Variants in MYNN observed in about 807,000 individuals in gnomAD.
MYNN encodes the protein zinc finger and BTB domain-containing protein 31.
In MYNN, 22 loss-of-function variants were observed where a neutral mutation model predicts 57.2. That is an observed-to-expected ratio of 0.38 (90% CI 0.27 to 0.55). The LOEUF (loss-of-function observed/expected upper bound fraction) is 0.55, where lower values mean the gene tolerates loss of function less well. Among genes scored for constraint, MYNN ranks in the 20% least tolerant of loss-of-function variants. The probability of loss-of-function intolerance (pLI) is 0.71; values close to 1 mark genes in which losing one functional copy is unlikely to be tolerated. For missense variants in MYNN, 566 were observed against 723.1 expected, an observed-to-expected ratio of 0.78 and a Z score of 2.49; for synonymous variants, 241 against 257.1, an observed-to-expected ratio of 0.94 and a Z score of 0.60.
intron 1 of MYNN, among the ~76,000 whole-genome samples, chr3:169,773,873 GT>G (rs1422908328): frequency 1.3e-5 from 2 of 152,210 alleles, no homozygotes; most frequent in African/African-American, 4.8e-5. Context: ...CTTGAGAGCA[GT>G]TTTTAAAAAC....
At chr3:169,785,003 A>G (rs1372507640) in intron 7 of MYNN, among the ~76,000 whole-genome samples, 1 of 135,236 alleles carries the variant, frequency 7.4e-6, no homozygotes, top group African/African-American at 2.7e-5. Context: ...TAAGCAAGCT[A>G]TGTGTCACTG....
rs562567012 is a variant in MYNN at position 169,781,545 on chromosome 3, G to A, written c.1220+796G>A. Among the ~76,000 whole-genome samples the A allele has an allele frequency of 5.3e-5, 8 of 152,258 alleles. No individual in the cohort carries two copies. In the East Asian group the frequency reaches 7.7e-4, roughly 15 times the overall value. On this transcript the variant is annotated intron_variant, in intron 4 of 7. Transcript: ENST00000349841. ...ATGTGGACAGAAGAAATCAAAAGACGGCCCTGAGGCACTCTAACTTTATGA... is the reference window on the plus strand; with the variant it reads ...ATGTGGACAGAAGAAATCAAAAGACAGCCCTGAGGCACTCTAACTTTATGA...
In MYNN at chr3:169,778,751, G is replaced by A. The variant is rs1054727791; in HGVS notation, c.267-17G>A. On this transcript the variant is annotated splice_polypyrimidine_tract_variant and intron_variant, in intron 2 of 7. Coordinates refer to ENST00000349841, the MANE Select transcript of MYNN (RefSeq NM_018657.5). Reference sequence around the variant, plus strand: ...TCTTTGATCAGAATATTGTCATGTAGCCTTGTTTCCTTGCAGTTGGAATGT... The same window carrying A: ...TCTTTGATCAGAATATTGTCATGTAACCTTGTTTCCTTGCAGTTGGAATGT... The A allele has an allele frequency of 1.9e-6, 3 of 1,568,450 alleles. No individual in the cohort carries two copies. Among genetic ancestry groups the A allele is most frequent in the African/African-American group, 2.7e-5 (2 of 72,920 alleles).
intron 7 of MYNN, among the ~76,000 whole-genome samples, chr3:169,785,278 T>A (rs937177491): frequency 2.6e-5 from 4 of 152,014 alleles, no homozygotes; most frequent in African/African-American, 9.7e-5. Context: ...TAGGCCCTTC[T>A]GGTGTGTAAA....
chr3:169,783,717 G>C, intron 6 of MYNN, 157 bp downstream of exon 6: 1 of 574,526 alleles, frequency 1.7e-6, no homozygotes, highest in East Asian at 3.5e-5. Flanking sequence ...TGCTTATTTT[G>C]TTTTTTTTTT....
intron 2 of MYNN, 30 bp from the exon 3 acceptor site, chr3:169,778,738 A>G: frequency 1.3e-6 from 2 of 1,545,278 alleles, no homozygotes; most frequent in African/African-American, 1.4e-5. Flanking sequence ...TTTGATCAGA[A>G]TATTGTCATG....
In MYNN at chr3:169,779,508, G is replaced by C. The variant is rs761891493; in HGVS notation, c.1007G>C (p.Gly336Ala). Reference sequence around the variant, plus strand: ...AAACCTTACGTCTGCCACTTATGTGGAAAGGCATTTACCCAATGTAACCAG... The same window carrying C: ...AAACCTTACGTCTGCCACTTATGTGCAAAGGCATTTACCCAATGTAACCAG... The part of the protein sequence containing the change: ...GVKPYVCHLC[G>A]KAFTQCNQLK... The change falls in exon 3 of 8, where the codon GGA becomes GCA. Residue 336 changes from glycine to alanine, a missense_variant. Coordinates refer to ENST00000349841, the MANE Select transcript of MYNN (RefSeq NM_018657.5). 6.2e-7 allele frequency: 1 copy of C among 1,614,202 alleles called. No homozygotes were observed. Among genetic ancestry groups the C allele is most frequent in the East Asian group, 2.2e-5 (1 of 44,892 alleles).
At chr3:169,773,931 G>A (rs1471063012) in intron 1 of MYNN, 1 of 213,568 alleles carries the variant, frequency 4.7e-6, no homozygotes. Flanking sequence ...TGTCTTAGTG[G>A]TTTAAAAAAT....
rs748295145 is a variant in MYNN, at chr3:169,774,499, G to A, written c.204G>A (p.Val68=). 1.2e-4 allele frequency: 191 copies of A among 1,613,922 alleles called. No individual in the cohort carries two copies. The highest frequency in any genetic ancestry group is 1.6e-4 in the Non-Finnish European group (186 of 1,179,958). ...ENNVFLDQSQ[V]KADGFQKLLE... is the part of the protein sequence containing the mutation. ...ATGTCTTTCTTGATCAGAGTCAGGT[G>A]AAGGCTGATGGATTTCAGAAACTGT... Residue 68 remains valine, a synonymous_variant, in exon 2 of 8, where the codon GTG becomes GTA. Transcript: ENST00000349841.
At chr3:169,778,396 A>G (rs1236839914) in intron 2 of MYNN, 1 of 168,970 alleles carries the variant, frequency 5.9e-6, no homozygotes, top group African/African-American at 2.4e-5. Flanking sequence ...CCTCTTGCCA[A>G]TCCAGAAAAG....
intron 6 of MYNN, chr3:169,783,917 G>T: frequency 4.1e-6 from 1 of 241,796 alleles, no homozygotes. Flanking sequence ...GCAATTTTTA[G>T]GAACAAATTT....
At position 169,779,352 on chromosome 3, in the gene MYNN, A is replaced by G. The variant is rs1778443150; in HGVS notation, c.851A>G (p.Tyr284Cys). The G allele has an allele frequency of 6.2e-7, 1 of 1,614,118 alleles. No homozygotes were observed. Among genetic ancestry groups the G allele is most frequent in the Non-Finnish European group, 8.5e-7 (1 of 1,180,050 alleles). Residue 284 changes from tyrosine to cysteine, a missense_variant, in exon 3 of 8, where the codon TAT becomes TGT. Tyr to Cys is a radical substitution (Grantham distance 194, BLOSUM62 -2). Transcript: ENST00000349841. ...MSNIASVKSP[Y>C]EAENSGEELD... Reference sequence around the variant, plus strand: ...AATATAGCCAGCGTCAAGAGTCCTTATGAGGCGGAGAACTCCGGGGAAGAG... The same window carrying G: ...AATATAGCCAGCGTCAAGAGTCCTTGTGAGGCGGAGAACTCCGGGGAAGAG...
At chr3:169,783,741 A>G (rs1300043277) in intron 6 of MYNN, 181 bp downstream of exon 6, 1 of 653,884 alleles carries the variant, frequency 1.5e-6, no homozygotes, top group Non-Finnish European at 2.8e-6. Flanking sequence ...TGTTTGGAGT[A>G]TGAATTAAAT....
At chr3:169,784,823 C>G (rs769375054) in intron 7 of MYNN, 115 bp downstream of exon 7, 19 of 579,902 alleles carry the variant, frequency 3.3e-5, no homozygotes, top group Non-Finnish European at 5.1e-5. Flanking sequence ...AATTAGATGT[C>G]TATTTCAAAA....
In MYNN at chr3:169,779,314, A is replaced by C; in HGVS notation, c.813A>C (p.Glu271Asp). The change falls in exon 3 of 8, where the codon GAA (glutamate) becomes GAC (aspartate). Residue 271 changes from glutamate (E) to aspartate (D), a missense_variant. Around this residue, in one of 4 missense-constraint regions of MYNN, gnomAD observed 261 missense variants for 280.8 expected, o/e 0.93. Coordinates refer to ENST00000349841, the MANE Select transcript of MYNN (RefSeq NM_018657.5). ...GKSQPNCALK[E>D]HSMSNIASVK... ...CACAGCCAAACTGTGCTCTGAAAGA[A>C]CACTCTATGTCTAATATAGCCAGCG... is the stretch of plus-strand genomic sequence containing the variant. The C allele has an allele frequency of 6.2e-7, 1 of 1,614,206 alleles. No homozygotes were observed.
At chr3:169,784,569 TTAGC>T (rs764500865) in intron 6 of MYNN, 49 bp from the exon 7 acceptor site, 153 of 1,200,494 alleles carry the variant, frequency 1.3e-4, no homozygotes, top group Non-Finnish European at 1.6e-4. Flanking sequence ...TATTTTTGTC[TTAGC>T]TAGCAGCTTT....
chr3:169,785,070 A>AGGGG (rs71300477), intron 7 of MYNN, among the ~76,000 whole-genome samples: 3 of 100,754 alleles, frequency 3.0e-5, no homozygotes, highest in Non-Finnish European at 6.2e-5. Context: ...ATGAAAAAAA[A>AGGGG]GGGGGGGGGG....
At chr3:169,774,624 A>AT in intron 2 of MYNN, 63 bp downstream of exon 2, 2 of 1,454,102 alleles carry the variant, frequency 1.4e-6, no homozygotes, top group Non-Finnish European at 1.9e-6. Context: ...GCAAAAGTAG[A>AT]TTTGTATTTT....
In MYNN at chr3:169,780,606, A is replaced by G; in HGVS notation, c.1077A>G (p.Lys359=). Residue 359 remains lysine (K), a synonymous_variant, in exon 4 of 8, where the codon AAA becomes AAG. Coordinates refer to ENST00000349841, the MANE Select transcript of MYNN (RefSeq NM_018657.5). ...VRTHTGEKPY[K]CELCDKGFAQ... is the part of the protein sequence containing the mutation. Reference sequence around the variant, plus strand: ...TTCCTTTAGGTGAGAAGCCATACAAATGTGAATTGTGTGATAAAGGATTTG... The same window carrying G: ...TTCCTTTAGGTGAGAAGCCATACAAGTGTGAATTGTGTGATAAAGGATTTG... 3.1e-6 allele frequency: 5 copies of G among 1,604,572 alleles called. No individual in the cohort carries two copies. The highest frequency in any genetic ancestry group is 4.2e-6 in the Non-Finnish European group (5 of 1,177,224).
Sources: gnomAD v4.1 joint callset for allele counts (sites outside exome capture counted in the v4.1 genomes callset) on GRCh38, gnomAD v4.1.1 for gene constraint, gnomAD v4.1.1 regional missense constraint, MANE v1.5 for transcripts, NCBI Gene and HGNC (gene_info 2026-07-23, HGNC 2026-07-21) for gene names.